The following CDC73 variants were observed in gnomAD, a reference collection of about 807,000 sequenced individuals.
CDC73 encodes the protein parafibromin.
Under a neutral mutation model 83.7 loss-of-function variants are expected in CDC73, and 21 were observed. That is an observed-to-expected ratio of 0.25 (90% CI 0.18 to 0.36). CDC73 has a LOEUF of 0.36. Ranked by LOEUF, CDC73 falls within the 10% of genes least tolerant of loss-of-function variation. CDC73 has a pLI of 1.00. For missense variants in CDC73, 342 were observed against 653.3 expected, an observed-to-expected ratio of 0.52 and a Z score of 5.19; for synonymous variants, 224 against 212.9, an observed-to-expected ratio of 1.05 and a Z score of -0.45.
At position 193,151,079 on chromosome 1, in the gene CDC73, T is replaced by C. The variant is rs144253209; in HGVS notation, c.907+697T>C. On this transcript the variant is annotated intron_variant, in intron 9 of 16. Coordinates refer to ENST00000367435, the MANE Select transcript of CDC73 (RefSeq NM_024529.5). ...ATAGTCTACGTGGTATTCTGGCTAA[T>C]GCAATAACACCATTTCTGCAGTTGT... 1.6e-4 allele frequency among the ~76,000 whole-genome samples: 25 copies of C among 152,362 alleles called. No homozygotes were observed. In the East Asian group the frequency reaches 4.8e-3, roughly 29 times the overall value.
In CDC73 at chr1:193,250,774, T is replaced by A; in HGVS notation, c.*62T>A. 7.2e-7 allele frequency: 1 copy of A among 1,394,352 alleles called. No homozygotes were observed. The highest frequency in any genetic ancestry group is 1.4e-5 in the African/African-American group (1 of 70,572). The allele number at this position is 1,394,352 out of a possible 1,614,324, so 86.4% of individuals were successfully genotyped here. A position where few individuals can be genotyped will look rare whatever the true frequency, so the allele number is the denominator to read the frequency against. On this transcript the variant is annotated 3_prime_UTR_variant, in exon 17 of 17. Transcript: ENST00000367435. ...AAGCTTTATGAATTTATCAAGAACT[T>A]AAAAATGAAGAAGGTCACAGATTGA... is the stretch of plus-strand genomic sequence containing the variant.
chr1:193,149,845 T>TA (rs894597501), intron 8 of CDC73, among the ~76,000 whole-genome samples: 1 of 151,936 alleles, frequency 6.6e-6, no homozygotes, highest in Non-Finnish European at 1.5e-5. Context: ...TCTAATTATT[T>TA]AAAAAAAATA....
chr1:193,180,064 C>G (rs527666874), intron 10 of CDC73: 2 of 347,364 alleles, frequency 5.8e-6, no homozygotes, highest in South Asian at 2.1e-4. Flanking sequence ...CATGTTAATA[C>G]ACAGAATCTC....
chr1:193,152,595 T>A (rs1424095312), intron 10 of CDC73, 151 bp downstream of exon 10: 4 of 627,646 alleles, frequency 6.4e-6, no homozygotes, highest in Non-Finnish European at 8.7e-6. Context: ...GGTGTATTAT[T>A]TGATTCATGG....
intron 10 of CDC73, among the ~76,000 whole-genome samples, chr1:193,198,170 A>C (rs777228757): frequency 6.6e-6 from 1 of 152,192 alleles, no homozygotes; most frequent in Non-Finnish European, 1.5e-5. Flanking sequence ...GTAGTTTCTG[A>C]TGGGAAGTAA....
intron 3 of CDC73, among the ~76,000 whole-genome samples, chr1:193,132,057 T>C (rs1287593748): frequency 6.6e-6 from 1 of 152,246 alleles, no homozygotes; most frequent in Non-Finnish European, 1.5e-5. Flanking sequence ...CTTAACTGAA[T>C]AAATGAGTAA....
At chr1:193,207,588 C>G (rs1677210260) in intron 11 of CDC73, among the ~76,000 whole-genome samples, 1 of 152,140 alleles carries the variant, frequency 6.6e-6, no homozygotes, top group African/African-American at 2.4e-5. Context: ...AGCGATATCT[C>G]TCTTACTTGC....
intron 10 of CDC73, among the ~76,000 whole-genome samples, chr1:193,177,272 C>T (rs369553642): frequency 1.3e-5 from 2 of 148,708 alleles, no homozygotes; most frequent in African/African-American, 2.5e-5. Flanking sequence ...GCCTGTAATC[C>T]CAGCACTTTG....
Position 193,167,357 on chromosome 1 carries a change from A to C in CDC73, c.972+14913A>C, listed in dbSNP as rs148257844. Among the ~76,000 whole-genome samples, 321 of 152,290 alleles carry C rather than the reference A, an allele frequency of 2.1e-3. 1 individual carries two copies. Among genetic ancestry groups the C allele is most frequent in the African/African-American group, 7.4e-3 (309 of 41,550 alleles). On this transcript the variant is annotated intron_variant, in intron 10 of 16. Transcript: ENST00000367435. ...AGAGGCTAATTCCTCAGCCACTTCAAAACATGATTTGGACTCCTCGAATAA... is the reference window on the plus strand; with the variant it reads ...AGAGGCTAATTCCTCAGCCACTTCACAACATGATTTGGACTCCTCGAATAA...
chr1:193,239,681 G>T (rs1412934538), intron 15 of CDC73, among the ~76,000 whole-genome samples: 1 of 152,074 alleles, frequency 6.6e-6, no homozygotes, highest in East Asian at 1.9e-4. Context: ...GATAGAATGT[G>T]TAATGATCAA....
chr1:193,206,781 T>TA (rs1677195968), intron 11 of CDC73, among the ~76,000 whole-genome samples: 4 of 152,218 alleles, frequency 2.6e-5, no homozygotes, highest in Non-Finnish European at 1.5e-5. Flanking sequence ...TTTTGAGCAT[T>TA]CACAAATTTT....
intron 13 of CDC73, among the ~76,000 whole-genome samples, chr1:193,224,549 CAT>C (rs953911092): frequency 1.3e-5 from 2 of 151,550 alleles, no homozygotes; most frequent in East Asian, 1.9e-4. Flanking sequence ...CACATATACA[CAT>C]GTGAAATATG....
At chr1:193,181,492 C>A (rs201702090) in intron 10 of CDC73, 1 of 1,613,048 alleles carries the variant, frequency 6.2e-7, no homozygotes, top group Non-Finnish European at 8.5e-7. Flanking sequence ...AAGATGAGTG[C>A]GGAACAGAGA....
intron 1 of CDC73, 32 bp from the exon 2 acceptor site, chr1:193,125,080 C>T (rs754128745): frequency 9.4e-7 from 1 of 1,064,740 alleles, no homozygotes; most frequent in South Asian, 1.2e-5. Flanking sequence ...TTAGAATTGT[C>T]AGTAAAAAAA....
At chr1:193,162,393 G>A (rs1484839592) in intron 10 of CDC73, among the ~76,000 whole-genome samples, 1 of 140,722 alleles carries the variant, frequency 7.1e-6, no homozygotes, top group African/African-American at 2.7e-5. Flanking sequence ...CACATATGAA[G>A]ACAGAGTCTC....
chr1:193,199,028 A>T (rs1190249988), intron 10 of CDC73, among the ~76,000 whole-genome samples: 2 of 152,224 alleles, frequency 1.3e-5, no homozygotes, highest in Non-Finnish European at 2.9e-5. Context: ...TAAATTTTAT[A>T]GCCCTTTATC....
chr1:193,226,935 CCTT>C (rs1677576133), intron 13 of CDC73, among the ~76,000 whole-genome samples: 1 of 152,096 alleles, frequency 6.6e-6, no homozygotes, highest in Non-Finnish European at 1.5e-5. Flanking sequence ...AGCTGTGAAT[CCTT>C]CTGGTTCTGA....
chr1:193,231,089 CTT>C (rs1487666277), intron 13 of CDC73, among the ~76,000 whole-genome samples: 1 of 152,050 alleles, frequency 6.6e-6, no homozygotes, highest in Admixed American at 6.6e-5. Context: ...GTATAATAGA[CTT>C]TTTATTAGTT....
chr1:193,166,674 A>G (rs1197157793), intron 10 of CDC73, among the ~76,000 whole-genome samples: 1 of 144,460 alleles, frequency 6.9e-6, no homozygotes, highest in Non-Finnish European at 1.5e-5. Context: ...TTTGAGACCG[A>G]GTTTTGCTCT....
Sources: gnomAD v4.1 joint callset for allele counts (sites outside exome capture counted in the v4.1 genomes callset) on GRCh38, gnomAD v4.1.1 for gene constraint, MANE v1.5 for transcripts, NCBI Gene and HGNC (gene_info 2026-07-23, HGNC 2026-07-21) for gene names.